Variants in DOCK10 observed in about 807,000 individuals in gnomAD.
The protein encoded by DOCK10 is dedicator of cytokinesis protein 10.
DOCK10 carries 145 observed loss-of-function variants against 280.1 expected under a neutral mutation model. The ratio of observed to expected loss-of-function variants is 0.52; its 90% CI spans 0.45 to 0.59. The LOEUF is 0.59. DOCK10 is among the 20% of genes least tolerant of loss of function. The pLI, the probability that DOCK10 is intolerant of heterozygous loss-of-function variation, is 0.00. For missense variants in DOCK10, 2,368 were observed against 2,651.7 expected (o/e 0.89, Z 2.35); for synonymous variants, 915 against 942.2 (o/e 0.97, Z 0.53).
chr2:224,801,700 G>C (rs965251418), intron 40 of DOCK10, among the ~76,000 whole-genome samples: 1 of 152,102 alleles, frequency 6.6e-6, no homozygotes, highest in Non-Finnish European at 1.5e-5. Flanking sequence ...AGGGAGCTAT[G>C]CTAAACATAT....
At position 225,042,202 on chromosome 2, in the gene DOCK10, C is replaced by A. The variant is rs1291155859; in HGVS notation, c.123+50G>T. On this transcript the variant is annotated intron_variant, in intron 1 of 55. Coordinates refer to ENST00000258390, the MANE Select transcript of DOCK10 (RefSeq NM_014689.3). This position sits in a 1 kb window ranked among gnomAD's most constrained non-coding sequence, Gnocchi z 5.1. ...TTTGGGGAAGCTGGGCTCCGTTCCC[C>A]CCGGGCGCCTGGGGCGCGCGGGAAG... The A allele has an allele frequency of 1.6e-6, 2 of 1,230,708 alleles. No individual in the cohort carries two copies. The highest frequency in any genetic ancestry group is 6.6e-5 in the East Asian group (2 of 30,410). The allele number at this position is 1,230,708 out of a possible 1,614,324, so 76.2% of individuals were successfully genotyped here. A position where few individuals can be genotyped will look rare whatever the true frequency, so the allele number is the denominator to read the frequency against.
intron 1 of DOCK10, among the ~76,000 whole-genome samples, chr2:224,975,769 G>C (rs549365316): frequency 3.3e-5 from 5 of 152,202 alleles, no homozygotes; most frequent in Non-Finnish European, 7.4e-5. Flanking sequence ...CATTTAACTT[G>C]CTTCCTTATA....
chr2:224,783,243 A>G (rs142375372), intron 50 of DOCK10, among the ~76,000 whole-genome samples: 2 of 151,728 alleles, frequency 1.3e-5, no homozygotes, highest in African/African-American at 4.9e-5. Flanking sequence ...GAATTTAACA[A>G]AACACTTTGC....
intron 2 of DOCK10, among the ~76,000 whole-genome samples, chr2:224,923,681 C>T (rs2125988182): frequency 6.6e-6 from 1 of 152,390 alleles, no homozygotes; most frequent in South Asian, 2.1e-4. Context: ...GCCCGCATTT[C>T]TCCTTCAGGG....
Position 224,886,070 on chromosome 2 carries a change from G to A in DOCK10, c.605C>T (p.Thr202Ile). The change falls in exon 6 of 56, where the codon ACT becomes ATT. Residue 202 changes from threonine (T) to isoleucine (I), a missense_variant. Thr to Ile is a moderately conservative substitution (Grantham distance 89). Coordinates refer to ENST00000258390, the MANE Select transcript of DOCK10 (RefSeq NM_014689.3). ...NFNSTVNNTV[T>I]VRSFKKRYFQ... Reference sequence around the variant, plus strand: ...GTCTTGATATCTCCTTACCCGAACAGTAACGGTGTTGTTCACGGTGCTGTT... The same window carrying A: ...GTCTTGATATCTCCTTACCCGAACAATAACGGTGTTGTTCACGGTGCTGTT... 1 of 1,613,848 alleles carries A rather than the reference G, an allele frequency of 6.2e-7. No individual in the cohort carries two copies. The highest frequency in any genetic ancestry group is 8.5e-7 in the Non-Finnish European group (1 of 1,179,868).
Position 224,775,133 on chromosome 2 carries a change from G to C in DOCK10, c.5803-18C>G, listed in dbSNP as rs1161569104. 2 of 1,611,776 alleles carry C rather than the reference G, an allele frequency of 1.2e-6. No homozygotes were observed. The highest frequency in any genetic ancestry group is 1.7e-5 in the Admixed American group (1 of 59,994). On this transcript the variant is annotated intron_variant, in intron 51 of 55. Transcript: ENST00000258390. ...GGGTTTACCTGTGTTAACAGATTATGGGCAAAGTGAGTGGTGTGCCCTGGA... is the reference window on the plus strand; with the variant it reads ...GGGTTTACCTGTGTTAACAGATTATCGGCAAAGTGAGTGGTGTGCCCTGGA...
rs1428049674 is a variant in DOCK10, at chr2:224,806,223, A to G, written c.3717T>C (p.Asp1239=). The change falls in exon 34 of 56, where the codon GAT becomes GAC. Residue 1239 remains aspartate (D), a synonymous_variant. Coordinates refer to ENST00000258390, the MANE Select transcript of DOCK10 (RefSeq NM_014689.3). ...VNTSNQGSRD[D]LSTNGGFQSQ... is the part of the protein sequence containing the mutation. ...TTTGAAATCCTCCATTGGTGCTTAGATCATCTCTAGACCCCTGTATTCAAA... is the reference window on the plus strand; with the variant it reads ...TTTGAAATCCTCCATTGGTGCTTAGGTCATCTCTAGACCCCTGTATTCAAA... 6.2e-7 allele frequency: 1 copy of G among 1,603,520 alleles called. No individual in the cohort carries two copies. Among genetic ancestry groups the G allele is most frequent in the East Asian group, 2.2e-5 (1 of 44,746 alleles).
rs561440007 is a variant in DOCK10, at chr2:224,916,133, T to C, written c.333+562A>G. Among the ~76,000 whole-genome samples the C allele has an allele frequency of 5.7e-4, 87 of 152,360 alleles. 1 individual carries two copies. Among genetic ancestry groups the C allele is most frequent in the Non-Finnish European group, 9.6e-4 (65 of 68,030 alleles). Reference sequence around the variant, plus strand: ...CCATTTGGCTGGGCACAGTGGCTCATGCCTGTAATCCCAGCACTTTGGGAG... The same window carrying C: ...CCATTTGGCTGGGCACAGTGGCTCACGCCTGTAATCCCAGCACTTTGGGAG... On this transcript the variant is annotated intron_variant, in intron 3 of 55. Transcript: ENST00000258390.
chr2:225,009,071 T>C (rs902196330), intron 1 of DOCK10, among the ~76,000 whole-genome samples: 1 of 152,156 alleles, frequency 6.6e-6, no homozygotes, highest in Non-Finnish European at 1.5e-5. Flanking sequence ...TCAGGTGATA[T>C]GGGGCCAGCA....
chr2:224,987,981 G>A (rs1706017071), intron 1 of DOCK10, among the ~76,000 whole-genome samples: 1 of 152,120 alleles, frequency 6.6e-6, no homozygotes, highest in Non-Finnish European at 1.5e-5. Context: ...GCGGTAAAAT[G>A]GAGATCATCC....
intron 3 of DOCK10, among the ~76,000 whole-genome samples, chr2:224,900,612 G>T (rs111498352): frequency 0.023 from 3,463 of 152,318 alleles, 130 homozygotes; most frequent in African/African-American, 0.079. Flanking sequence ...GAATCAGACA[G>T]ACCTAGTTTT....
At chr2:225,041,776 C>T (rs1376231741) in intron 1 of DOCK10, among the ~76,000 whole-genome samples, 1 of 152,104 alleles carries the variant, frequency 6.6e-6, no homozygotes, top group East Asian at 1.9e-4. Context: ...CTAACCAGGG[C>T]GAGGACCACG....
rs4673127 is a variant in DOCK10, at chr2:224,950,460, C to T, written c.124-18792G>A. 6.1e-3 allele frequency among the ~76,000 whole-genome samples: 923 copies of T among 152,062 alleles called. 11 individuals are homozygous for T. Among genetic ancestry groups the T allele is most frequent in the African/African-American group, 0.02 (814 of 41,462 alleles). On this transcript the variant is annotated intron_variant, in intron 1 of 55. Transcript: ENST00000258390. ...GGTTCTGGAGAAATTAAGCAATTGGCCCAAAGTCAGTAGCAGAGCTGGGAT... is the reference window on the plus strand; with the variant it reads ...GGTTCTGGAGAAATTAAGCAATTGGTCCAAAGTCAGTAGCAGAGCTGGGAT...
chr2:224,901,700 T>C (rs1700309594), intron 3 of DOCK10, among the ~76,000 whole-genome samples: 2 of 152,212 alleles, frequency 1.3e-5, no homozygotes, highest in South Asian at 4.1e-4. Flanking sequence ...CCAAGAAATC[T>C]ACATTGTAAA....
At chr2:224,967,552 A>G (rs755434849) in intron 1 of DOCK10, among the ~76,000 whole-genome samples, 5 of 152,214 alleles carry the variant, frequency 3.3e-5, no homozygotes, top group Non-Finnish European at 5.9e-5. Flanking sequence ...CTTGGTGACT[A>G]TGACTGAAGT....
At chr2:224,874,560 C>A in intron 9 of DOCK10, 106 bp downstream of exon 9, 2 of 1,167,380 alleles carry the variant, frequency 1.7e-6, no homozygotes, top group South Asian at 1.3e-5. Flanking sequence ...TCCAAATTAG[C>A]TTCTTGGTCT....
At chr2:224,957,477 T>C (rs920226283) in intron 1 of DOCK10, among the ~76,000 whole-genome samples, 2 of 151,996 alleles carry the variant, frequency 1.3e-5, no homozygotes, top group African/African-American at 4.8e-5. Flanking sequence ...TTTTTTGAGG[T>C]GGGGTCTTGC....
At chr2:224,814,213 T>A in intron 31 of DOCK10, 107 bp downstream of exon 31, 1 of 540,310 alleles carries the variant, frequency 1.9e-6, no homozygotes, top group Non-Finnish European at 3.0e-6. Flanking sequence ...TCATATGATA[T>A]TAAATATGTG....
chr2:224,875,864 G>A (rs1307415960), intron 8 of DOCK10, among the ~76,000 whole-genome samples, 174 bp downstream of exon 8: 2 of 152,172 alleles, frequency 1.3e-5, no homozygotes, highest in African/African-American at 2.4e-5. Context: ...ACTTATGTGT[G>A]GTGGCCATTA....
Sources: gnomAD v4.1 joint callset for allele counts (sites outside exome capture counted in the v4.1 genomes callset) on GRCh38, gnomAD v4.1.1 for gene constraint, Gnocchi (gnomAD v3.1) non-coding constraint, MANE v1.5 for transcripts, NCBI Gene and HGNC (gene_info 2026-07-23, HGNC 2026-07-21) for gene names.